ATOSA: variants seen among roughly 807,000 people sequenced by gnomAD.
The protein encoded by ATOSA is atos homolog protein A.
the ATOSA span, among the ~76,000 whole-genome samples, chr15:52,699,445 ATCCTATC>A: frequency 1.7e-4 from 26 of 151,554 alleles, no homozygotes; most frequent in South Asian, 2.1e-3. Flanking sequence ...AATCCTTTTA[ATCCTATC>A]TTGTGCACAA....
chr15:52,708,679 C>CT, the ATOSA span, among the ~76,000 whole-genome samples: 26 of 147,686 alleles, frequency 1.8e-4, no homozygotes, highest in Middle Eastern at 3.5e-3. Context: ...AAATTGGGTA[C>CT]TTTTTTTTTT....
the ATOSA span, chr15:52,656,229 T>C: frequency 2.6e-5 from 4 of 152,114 alleles, no homozygotes; most frequent in African/African-American, 4.8e-5. Context: ...ATAACATTAT[T>C]AACAGTTGTG....
chr15:52,604,353 T>C, the ATOSA span, among the ~76,000 whole-genome samples: 1 of 152,378 alleles, frequency 6.6e-6, no homozygotes, highest in South Asian at 2.1e-4. Flanking sequence ...AAGTTATACA[T>C]TTAAATTCTA....
chr15:52,616,645 C>A, the ATOSA span, among the ~76,000 whole-genome samples: 1 of 152,092 alleles, frequency 6.6e-6, no homozygotes, highest in South Asian at 2.1e-4. Context: ...GGGGACCTGA[C>A]CCATCCTGGG....
the ATOSA span, among the ~76,000 whole-genome samples, chr15:52,619,497 C>A: frequency 1.3e-5 from 2 of 152,076 alleles, no homozygotes; most frequent in African/African-American, 4.8e-5. Context: ...AAAAATGTTT[C>A]AAATCTAGAC....
At chr15:52,615,478 A>C in the ATOSA span, among the ~76,000 whole-genome samples, 6 of 152,206 alleles carry the variant, frequency 3.9e-5, no homozygotes, top group African/African-American at 1.4e-4. Context: ...TCGTATGCAC[A>C]TAGTTCCTAG....
the ATOSA span, chr15:52,600,139 T>C: frequency 7.5e-6 from 12 of 1,596,494 alleles, no homozygotes; most frequent in Non-Finnish European, 9.4e-6. Context: ...CAAAATTTCC[T>C]AGGAGACTAA....
chr15:52,661,652 G>C, the ATOSA span, among the ~76,000 whole-genome samples: 13 of 152,102 alleles, frequency 8.5e-5, no homozygotes, highest in African/African-American at 2.9e-4. Flanking sequence ...TTGTTGTTTT[G>C]TTGTTGTTAG....
the ATOSA span, among the ~76,000 whole-genome samples, chr15:52,698,115 T>G: frequency 6.6e-6 from 1 of 151,844 alleles, no homozygotes; most frequent in Non-Finnish European, 1.5e-5. Flanking sequence ...TAGCTGGGAC[T>G]ACAGGCGCGT....
At chr15:52,697,897 C>T in the ATOSA span, among the ~76,000 whole-genome samples, 1 of 150,086 alleles carries the variant, frequency 6.7e-6, no homozygotes, top group African/African-American at 2.4e-5. Flanking sequence ...CCACTACTAC[C>T]ACCCCAGAAA....
the ATOSA span, chr15:52,593,781 ACATT>A: frequency 6.7e-7 from 1 of 1,497,430 alleles, no homozygotes; most frequent in Non-Finnish European, 9.0e-7. Flanking sequence ...AAAAGCTAAC[ACATT>A]CATTTTTTTT....
chr15:52,616,450 C>T, the ATOSA span, among the ~76,000 whole-genome samples: 1 of 152,198 alleles, frequency 6.6e-6, no homozygotes, highest in Non-Finnish European at 1.5e-5. Context: ...TGTGTGACCC[C>T]TGGTTGGAAG....
the ATOSA span, among the ~76,000 whole-genome samples, chr15:52,677,708 C>T: frequency 6.6e-6 from 1 of 152,218 alleles, no homozygotes; most frequent in Non-Finnish European, 1.5e-5. Flanking sequence ...GCAAGTACAA[C>T]TCTAAAATGA....
chr15:52,666,046 C>G, the ATOSA span, among the ~76,000 whole-genome samples: 3 of 152,172 alleles, frequency 2.0e-5, no homozygotes, highest in African/African-American at 7.2e-5. Flanking sequence ...GCCCTGGCAC[C>G]CAAAACATGA....
chr15:52,672,153 A>G, the ATOSA span, among the ~76,000 whole-genome samples: 1 of 109,568 alleles, frequency 9.1e-6, no homozygotes, highest in Non-Finnish European at 1.9e-5. Flanking sequence ...TCTGGGCAAC[A>G]TAGTGAGACC....
chr15:52,680,253 A>G, the ATOSA span, among the ~76,000 whole-genome samples: 1 of 152,102 alleles, frequency 6.6e-6, no homozygotes, highest in African/African-American at 2.4e-5. Flanking sequence ...AAAAAACCCA[A>G]TCCTAACAAG....
the ATOSA span, chr15:52,611,595 G>A: frequency 6.2e-7 from 1 of 1,614,022 alleles, no homozygotes; most frequent in South Asian, 1.1e-5. Context: ...CTGGCTCCAA[G>A]ATCCATCTTT....
At chr15:52,662,714 G>A in the ATOSA span, among the ~76,000 whole-genome samples, 2 of 148,896 alleles carry the variant, frequency 1.3e-5, no homozygotes, top group South Asian at 4.2e-4. Context: ...AGCTTGCAGT[G>A]AGCTGAGATC....
the ATOSA span, chr15:52,593,497 C>A: frequency 7.7e-7 from 1 of 1,294,512 alleles, no homozygotes; most frequent in South Asian, 1.6e-5. Flanking sequence ...TTTATATTTT[C>A]AAGTACTGCA....
Sources: gnomAD v4.1 joint callset for allele counts (sites outside exome capture counted in the v4.1 genomes callset) on GRCh38, gnomAD v4.1.1 for gene constraint, MANE v1.5 for transcripts, NCBI Gene and HGNC (gene_info 2026-07-23, HGNC 2026-07-21) for gene names.